CSNK1G3: variants seen among roughly 807,000 people sequenced by gnomAD.
CSNK1G3 encodes the protein casein kinase 1 gamma 3, also known as casein kinase I isoform gamma-3.
CSNK1G3 carries 23 observed loss-of-function variants against 64.3 expected under a neutral mutation model. The observed-to-expected ratio is 0.36, with a 90% confidence interval of 0.26 to 0.51. The LOEUF (loss-of-function observed/expected upper bound fraction) is 0.51, where lower values mean the gene tolerates loss of function less well. Ranked by LOEUF, CSNK1G3 falls within the 20% of genes least tolerant of loss-of-function variation. The pLI is 0.96. For synonymous variants in CSNK1G3, 158 were observed against 162.2 expected, an observed-to-expected ratio of 0.97 and a Z score of 0.20; for missense variants, 357 against 510.5, an observed-to-expected ratio of 0.70 and a Z score of 2.90.
chr5:123,516,956 T>TA (rs1290361158), intron 1 of CSNK1G3, among the ~76,000 whole-genome samples: 2 of 152,210 alleles, frequency 1.3e-5, no homozygotes, highest in Non-Finnish European at 2.9e-5. Context: ...GGAAGAGAGT[T>TA]ACCCTGTTAT....
At chr5:123,604,109 A>G (rs1043841902) in intron 10 of CSNK1G3, among the ~76,000 whole-genome samples, 2 of 152,022 alleles carry the variant, frequency 1.3e-5, no homozygotes, top group Non-Finnish European at 2.9e-5. Flanking sequence ...AGTAATAGAG[A>G]TGGTGAGAAT....
At chr5:123,600,125 T>C (rs1794190135) in intron 10 of CSNK1G3, among the ~76,000 whole-genome samples, 1 of 152,300 alleles carries the variant, frequency 6.6e-6, no homozygotes, top group Middle Eastern at 3.4e-3. Context: ...TATTTGGAAG[T>C]CACTCTTTTA....
chr5:123,514,448 A>G (rs143462570), intron 1 of CSNK1G3, among the ~76,000 whole-genome samples: 1,849 of 152,360 alleles, frequency 0.012, 44 homozygotes, highest in African/African-American at 0.041. Flanking sequence ...TAATTCAACC[A>G]GGACCACCTT....
Position 123,600,838 on chromosome 5 carries a change from T to C in CSNK1G3, c.1087-3886T>C, listed in dbSNP as rs182395998. On this transcript the variant is annotated intron_variant, in intron 10 of 12. Transcript: ENST00000345990. The stretch of plus-strand genomic sequence containing the variant: ...TTAAGTTTACAATTATGTCTCACAC[T>C]TGCTTGTGGGCTGTTTTTCCAACAT... 2.5e-3 allele frequency among the ~76,000 whole-genome samples: 379 copies of C among 152,116 alleles called. 1 individual carries two copies. Among genetic ancestry groups the C allele is most frequent in the African/African-American group, 8.9e-3 (369 of 41,546 alleles).
chr5:123,517,441 A>G lies in CSNK1G3; in HGVS notation c.-248+4871A>G, dbSNP rs144694198. 1.4e-3 allele frequency among the ~76,000 whole-genome samples: 211 copies of G among 152,292 alleles called. 2 individuals carry two copies. The highest frequency in any genetic ancestry group is 4.5e-3 in the African/African-American group (185 of 41,556). On this transcript the variant is annotated intron_variant, in intron 1 of 12. Coordinates refer to ENST00000345990, the Ensembl canonical transcript of CSNK1G3. Reference sequence around the variant, plus strand: ...TAAAAAGGCGTTTGTATGAGAACCAATTGGCTACTTTGAAATCAAGTGAGT... The same window carrying G: ...TAAAAAGGCGTTTGTATGAGAACCAGTTGGCTACTTTGAAATCAAGTGAGT...
chr5:123,578,090 G>A (rs555794627), intron 6 of CSNK1G3, among the ~76,000 whole-genome samples: 1 of 151,800 alleles, frequency 6.6e-6, no homozygotes, highest in Non-Finnish European at 1.5e-5. Context: ...ATCACAAACT[G>A]CTTATCCATT....
intron 10 of CSNK1G3, among the ~76,000 whole-genome samples, chr5:123,597,374 A>G (rs765089419): frequency 9.2e-5 from 14 of 152,156 alleles, no homozygotes; most frequent in Non-Finnish European, 1.9e-4. Flanking sequence ...CCTAATTAAT[A>G]AGTCACTGTC....
intron 2 of CSNK1G3, among the ~76,000 whole-genome samples, chr5:123,550,804 A>G (rs1320576608): frequency 1.3e-5 from 2 of 152,186 alleles, no homozygotes; most frequent in Non-Finnish European, 2.9e-5. Flanking sequence ...TACTTTGTGC[A>G]TCATTTGTTT....
chr5:123,544,974 CTT>C (rs10564109), intron 1 of CSNK1G3, among the ~76,000 whole-genome samples: 85,761 of 151,548 alleles, frequency 0.57, 24,743 homozygotes, highest in Middle Eastern at 0.67. Flanking sequence ...TTAAAAAAGA[CTT>C]TGAAAATTAT....
intron 10 of CSNK1G3, among the ~76,000 whole-genome samples, chr5:123,597,459 C>T (rs1793646587): frequency 6.6e-6 from 1 of 152,102 alleles, no homozygotes; most frequent in Non-Finnish European, 1.5e-5. Flanking sequence ...CTCGGTAAGA[C>T]TATGGCTTTC....
chr5:123,519,611 A>G (rs140510244), intron 1 of CSNK1G3, among the ~76,000 whole-genome samples: 1 of 152,258 alleles, frequency 6.6e-6, no homozygotes, highest in East Asian at 1.9e-4. Context: ...CTAGGGGAGA[A>G]TAAGTGCATT....
intron 4 of CSNK1G3, among the ~76,000 whole-genome samples, chr5:123,560,949 T>C (rs980124109): frequency 1.3e-5 from 2 of 152,168 alleles, no homozygotes; most frequent in Non-Finnish European, 2.9e-5. Context: ...AACTGTACAC[T>C]TAAAGATGGT....
intron 1 of CSNK1G3, among the ~76,000 whole-genome samples, chr5:123,520,497 G>T (rs1455053211): frequency 4.0e-5 from 6 of 149,774 alleles, no homozygotes; most frequent in African/African-American, 1.2e-4. Context: ...TTTTTTGAGG[G>T]GGGTAGAATC....
At chr5:123,566,955 C>G (rs780719019) in intron 4 of CSNK1G3, among the ~76,000 whole-genome samples, 2 of 152,048 alleles carry the variant, frequency 1.3e-5, no homozygotes, top group East Asian at 1.9e-4. Context: ...TGTATTCGTC[C>G]GTTTTCTTGC....
At chr5:123,549,720 C>T (rs939208565) in intron 2 of CSNK1G3, among the ~76,000 whole-genome samples, 2 of 152,168 alleles carry the variant, frequency 1.3e-5, no homozygotes, top group East Asian at 1.9e-4. Context: ...GTGTGGCATG[C>T]GATGTGACTT....
chr5:123,600,098 G>GCT (rs1794183492), intron 10 of CSNK1G3, among the ~76,000 whole-genome samples: 1 of 90,048 alleles, frequency 1.1e-5, no homozygotes. Context: ...GTATACTTTA[G>GCT]CACAGGTTCA....
chr5:123,542,629 T>C (rs559902363), intron 1 of CSNK1G3, among the ~76,000 whole-genome samples: 2 of 152,282 alleles, frequency 1.3e-5, no homozygotes, highest in East Asian at 1.9e-4. Context: ...GAATTCTGAA[T>C]TGATCAACAC....
At chr5:123,547,507 C>T (rs761061582) in intron 2 of CSNK1G3, among the ~76,000 whole-genome samples, 11 of 151,798 alleles carry the variant, frequency 7.2e-5, no homozygotes, top group Non-Finnish European at 1.3e-4. Flanking sequence ...AAGGGCAATA[C>T]GAGAAATATG....
chr5:123,581,778 G>GT (rs535636557), intron 6 of CSNK1G3, among the ~76,000 whole-genome samples: 3 of 150,768 alleles, frequency 2.0e-5, no homozygotes, highest in South Asian at 4.2e-4. Flanking sequence ...AGGTATTTTT[G>GT]TTTTTTTTAG....
Sources: gnomAD v4.1 joint callset for allele counts (sites outside exome capture counted in the v4.1 genomes callset) on GRCh38, gnomAD v4.1.1 for gene constraint, MANE v1.5 for transcripts, NCBI Gene and HGNC (gene_info 2026-07-23, HGNC 2026-07-21) for gene names.